The following NAA15 variants were observed in gnomAD, a reference collection of about 807,000 sequenced individuals.
NAA15 encodes the protein N-terminal acetyltransferase.
NAA15 carries 34 observed loss-of-function variants against 114.0 expected under a neutral mutation model. That is an observed-to-expected ratio of 0.30 (90% CI 0.23 to 0.40). NAA15 has a LOEUF of 0.40. Among genes scored for constraint, NAA15 ranks in the 10% least tolerant of loss-of-function variants. The pLI, the probability that NAA15 is intolerant of heterozygous loss-of-function variation, is 1.00. For synonymous variants in NAA15, 340 were observed against 338.0 expected (o/e 1.01, Z -0.06); for missense variants, 658 against 1,004.5 (o/e 0.66, Z 4.66).
At chr4:139,302,024 G>A (rs1237785894) in intron 1 of NAA15, 193 bp downstream of exon 1, 1 of 513,148 alleles carries the variant, frequency 1.9e-6, no homozygotes, top group Non-Finnish European at 3.3e-6. Context: ...AGGGACCACA[G>A]GCTTCTTCAT....
chr4:139,331,868 A>G (rs1221213888), intron 1 of NAA15, among the ~76,000 whole-genome samples: 1 of 152,098 alleles, frequency 6.6e-6, no homozygotes, highest in Non-Finnish European at 1.5e-5. Flanking sequence ...CAAGTCTTAT[A>G]CAAGCTTTTG....
chr4:139,377,262 C>T (rs575630713), intron 16 of NAA15, among the ~76,000 whole-genome samples: 4 of 152,252 alleles, frequency 2.6e-5, no homozygotes, highest in South Asian at 4.1e-4. Context: ...TTTGGCCAGG[C>T]GCAGCGGCTC....
intron 17 of NAA15, among the ~76,000 whole-genome samples, chr4:139,381,681 AAAT>A (rs1389457784): frequency 6.6e-6 from 1 of 152,096 alleles, no homozygotes; most frequent in East Asian, 1.9e-4. Flanking sequence ...ACCTCACACA[AAAT>A]AAGAACATTT....
chr4:139,387,934 T>TA lies in NAA15; in HGVS notation c.2454dup (p.Glu819ArgfsTer4). 1 of 1,614,034 alleles carries TA rather than the reference T, an allele frequency of 6.2e-7. No individual in the cohort carries two copies. Among genetic ancestry groups the TA allele is most frequent in the Non-Finnish European group, 8.5e-7 (1 of 1,179,950 alleles). On this transcript the variant is annotated frameshift_variant, in exon 20 of 20. Coordinates refer to ENST00000296543, the MANE Select transcript of NAA15 (RefSeq NM_057175.5). LOFTEE classifies it high-confidence loss of function. Reference sequence around the variant, plus strand: ...TGTATGATGGTAGCCTAGGAGACTGTAAAGAAGCTGCTGAAATTTATAGAG... The same window carrying TA: ...TGTATGATGGTAGCCTAGGAGACTGTAAAAGAAGCTGCTGAAATTTATAGAG...
At chr4:139,379,867 A>G (rs1579137955) in intron 17 of NAA15, among the ~76,000 whole-genome samples, 1 of 151,942 alleles carries the variant, frequency 6.6e-6, no homozygotes, top group African/African-American at 2.4e-5. Context: ...AACATAGCGA[A>G]CCCCCGTCTC....
At chr4:139,332,957 A>C (rs1747073455) in intron 1 of NAA15, among the ~76,000 whole-genome samples, 1 of 152,174 alleles carries the variant, frequency 6.6e-6, no homozygotes, top group South Asian at 2.1e-4. Flanking sequence ...TGGGTACCAA[A>C]ATCCAGGGAT....
intron 1 of NAA15, among the ~76,000 whole-genome samples, chr4:139,324,952 G>C (rs563037620): frequency 2.6e-5 from 4 of 152,078 alleles, no homozygotes; most frequent in Admixed American, 2.0e-4. Flanking sequence ...ACATTGACAG[G>C]AGATAATTGA....
At chr4:139,360,756 T>TA in intron 13 of NAA15, 128 bp downstream of exon 13, 4 of 797,230 alleles carry the variant, frequency 5.0e-6, no homozygotes, top group Non-Finnish European at 5.3e-6. Flanking sequence ...AGTATTCACT[T>TA]TTTTCAGTTT....
At position 139,324,390 on chromosome 4, in the gene NAA15, A is replaced by C. The variant is rs1433752390; in HGVS notation, c.55-9784A>C. 3.9e-5 allele frequency among the ~76,000 whole-genome samples: 6 copies of C among 152,198 alleles called. No homozygotes were observed. The East Asian group carries it at 1.2e-3, about 29-fold the overall frequency. On this transcript the variant is annotated intron_variant, in intron 1 of 19. Transcript: ENST00000296543. ...CTGGCATTTCTTCCATAGCAAGGGA[A>C]ATCCTTATTCACAGTTTTGAAATTT...
intron 15 of NAA15, among the ~76,000 whole-genome samples, chr4:139,371,515 A>G (rs1186995352): frequency 6.7e-6 from 1 of 148,370 alleles, no homozygotes; most frequent in African/African-American, 2.6e-5. Context: ...ACACACACAC[A>G]CACACACACA....
chr4:139,364,688 G>T (rs1232855998), intron 14 of NAA15, among the ~76,000 whole-genome samples: 1 of 152,192 alleles, frequency 6.6e-6, no homozygotes, highest in Admixed American at 6.5e-5. Flanking sequence ...GGTTTCTGTT[G>T]TTATGATCCA....
intron 1 of NAA15, among the ~76,000 whole-genome samples, chr4:139,323,182 G>C (rs1017804528): frequency 1.1e-4 from 16 of 150,852 alleles, no homozygotes; most frequent in Middle Eastern, 3.5e-3. Flanking sequence ...TCAGCCTCCT[G>C]AGGAGCTGGA....
chr4:139,314,960 G>A (rs1477364806), intron 1 of NAA15, among the ~76,000 whole-genome samples: 2 of 151,698 alleles, frequency 1.3e-5, no homozygotes, highest in Non-Finnish European at 2.9e-5. Flanking sequence ...ACAGGCATGA[G>A]CAACCACACC....
intron 9 of NAA15, among the ~76,000 whole-genome samples, chr4:139,353,663 C>T (rs757155676): frequency 6.6e-6 from 1 of 152,166 alleles, no homozygotes; most frequent in Admixed American, 6.5e-5. Flanking sequence ...TCTCTTTTCA[C>T]ATAGCATTTA....
intron 18 of NAA15, 66 bp from the exon 19 acceptor site, chr4:139,386,067 T>A: frequency 1.2e-6 from 1 of 806,812 alleles, no homozygotes; most frequent in Non-Finnish European, 2.0e-6. Context: ...CTTTTATATT[T>A]AAATAAGTAG....
chr4:139,385,145 A>C (rs1748860002), intron 18 of NAA15, among the ~76,000 whole-genome samples, 167 bp downstream of exon 18: 1 of 151,222 alleles, frequency 6.6e-6, no homozygotes, highest in African/African-American at 2.4e-5. Context: ...AGCTGGGCAC[A>C]GTGGCACATA....
chr4:139,359,637 G>A, intron 11 of NAA15, 106 bp from the exon 12 acceptor site: 1 of 1,042,222 alleles, frequency 9.6e-7, no homozygotes, highest in Non-Finnish European at 1.4e-6. Context: ...TCACAAGAAT[G>A]CCTTTACTTT....
At chr4:139,371,219 T>C (rs1748426545) in intron 15 of NAA15, among the ~76,000 whole-genome samples, 2 of 152,180 alleles carry the variant, frequency 1.3e-5, no homozygotes, top group South Asian at 2.1e-4. Context: ...AAAATTATAA[T>C]GCCAAACAAA....
intron 7 of NAA15, among the ~76,000 whole-genome samples, chr4:139,350,775 A>C (rs1338827948): frequency 6.6e-6 from 1 of 152,232 alleles, no homozygotes; most frequent in Non-Finnish European, 1.5e-5. Flanking sequence ...GAGAAGTACC[A>C]ATTAGGAATC....
Sources: gnomAD v4.1 joint callset for allele counts (sites outside exome capture counted in the v4.1 genomes callset) on GRCh38, gnomAD v4.1.1 for gene constraint, MANE v1.5 for transcripts, NCBI Gene and HGNC (gene_info 2026-07-23, HGNC 2026-07-21) for gene names.